Variants in ZNF804B observed in about 807,000 individuals in gnomAD.
ZNF804B encodes the protein zinc finger 804B.
A neutral mutation model predicts 101.4 loss-of-function variants in ZNF804B; 80 were observed. The ratio of observed to expected loss-of-function variants is 0.79; its 90% CI spans 0.66 to 0.95. ZNF804B has a LOEUF of 0.95. Among genes scored for constraint, ZNF804B ranks in the 40% least tolerant of loss-of-function variants. ZNF804B has a pLI of 0.00. For synonymous variants in ZNF804B, 622 were observed against 558.8 expected (o/e 1.11, Z -1.59); for missense variants, 1,673 against 1,561.9 (o/e 1.07, Z -1.20).
At chr7:89,319,283 A>C (rs1790778166) in intron 2 of ZNF804B, among the ~76,000 whole-genome samples, 1 of 152,162 alleles carries the variant, frequency 6.6e-6, no homozygotes. Context: ...TAATTAATTA[A>C]TTTTAAAAAA....
intron 2 of ZNF804B, among the ~76,000 whole-genome samples, chr7:89,240,856 T>C (rs77722870): frequency 1.3e-5 from 2 of 152,228 alleles, no homozygotes; most frequent in East Asian, 3.9e-4. Flanking sequence ...CCTTCATTAT[T>C]CCAAAGTATG....
At chr7:88,858,436 G>A (rs1327924300) in intron 1 of ZNF804B, among the ~76,000 whole-genome samples, 1 of 152,106 alleles carries the variant, frequency 6.6e-6, no homozygotes, top group African/African-American at 2.4e-5. Context: ...ATGATTCTTT[G>A]TTTAAAATTA....
intron 1 of ZNF804B, among the ~76,000 whole-genome samples, chr7:88,873,946 A>C (rs960849890): frequency 2.6e-5 from 4 of 152,070 alleles, no homozygotes; most frequent in Admixed American, 2.6e-4. Flanking sequence ...TTGACTTGGC[A>C]ATGCGGGCTC....
intron 1 of ZNF804B, among the ~76,000 whole-genome samples, chr7:88,855,786 G>A (rs1791546763): frequency 1.3e-5 from 2 of 152,080 alleles, no homozygotes; most frequent in Admixed American, 6.5e-5. Context: ...TTTGTATAAG[G>A]TGCAAGGAAG....
chr7:89,258,562 A>G (rs1318647567), intron 2 of ZNF804B, among the ~76,000 whole-genome samples: 1 of 152,172 alleles, frequency 6.6e-6, no homozygotes, highest in Admixed American at 6.6e-5. Context: ...TGGTAGCAAT[A>G]GATATACAAT....
chr7:89,078,689 TA>T (rs1264265140), intron 1 of ZNF804B, among the ~76,000 whole-genome samples: 9 of 151,676 alleles, frequency 5.9e-5, no homozygotes, highest in African/African-American at 2.2e-4. Flanking sequence ...ATTTTCTAAC[TA>T]AGATTTTTCT....
intron 1 of ZNF804B, among the ~76,000 whole-genome samples, chr7:88,864,956 C>T: frequency 6.6e-6 from 1 of 152,176 alleles, no homozygotes; most frequent in East Asian, 1.9e-4. Context: ...TGGCCGGACA[C>T]AGTGGCTCAT....
intron 1 of ZNF804B, among the ~76,000 whole-genome samples, chr7:88,954,539 AC>A (rs1793273350): frequency 7.7e-6 from 1 of 129,036 alleles, no homozygotes; most frequent in African/African-American, 2.8e-5. Flanking sequence ...TATAAGAGAA[AC>A]TCTTTCTAAA....
chr7:88,760,129 C>G (rs1789871919), intron 1 of ZNF804B, 45 bp downstream of exon 1: 2 of 1,486,468 alleles, frequency 1.3e-6, no homozygotes, highest in South Asian at 2.3e-5. Flanking sequence ...CGTTCCAACT[C>G]AACACAAACA....
chr7:89,288,996 T>A (rs1463230784), intron 2 of ZNF804B, among the ~76,000 whole-genome samples: 2 of 152,194 alleles, frequency 1.3e-5, no homozygotes, highest in Non-Finnish European at 2.9e-5. Context: ...TTAGAAGTGA[T>A]AAAAATGCTA....
At chr7:88,966,763 C>CAT (rs943986334) in intron 1 of ZNF804B, among the ~76,000 whole-genome samples, 1 of 150,846 alleles carries the variant, frequency 6.6e-6, no homozygotes, top group African/African-American at 2.4e-5. Context: ...CACATACATA[C>CAT]ACACACACAC....
intron 1 of ZNF804B, among the ~76,000 whole-genome samples, chr7:89,151,366 C>T (rs722004): frequency 0.36 from 55,152 of 151,686 alleles, 10,056 homozygotes; most frequent in Middle Eastern, 0.49. Context: ...TCTGATCTAG[C>T]ATTAACGTCA....
At chr7:88,851,829 T>G in intron 1 of ZNF804B, among the ~76,000 whole-genome samples, 1 of 152,108 alleles carries the variant, frequency 6.6e-6, no homozygotes, top group East Asian at 1.9e-4. Flanking sequence ...AATTGAAATG[T>G]GTGAAAACAG....
intron 1 of ZNF804B, among the ~76,000 whole-genome samples, chr7:89,154,995 A>G (rs904033038): frequency 5.3e-5 from 8 of 152,118 alleles, no homozygotes. Flanking sequence ...CTATATGAAA[A>G]ATGTGATATG....
intron 1 of ZNF804B, among the ~76,000 whole-genome samples, chr7:88,999,755 A>C (rs1788257873): frequency 6.6e-6 from 1 of 152,056 alleles, no homozygotes; most frequent in Admixed American, 6.6e-5. Flanking sequence ...ATTCCAAAAA[A>C]TACAAAGGGA....
At chr7:88,813,396 G>T (rs896970558) in intron 1 of ZNF804B, among the ~76,000 whole-genome samples, 1 of 148,702 alleles carries the variant, frequency 6.7e-6, no homozygotes, top group South Asian at 2.1e-4. Flanking sequence ...CAGCACTCCA[G>T]CCTGGGCCAA....
intron 1 of ZNF804B, among the ~76,000 whole-genome samples, chr7:88,828,594 C>T (rs902285862): frequency 6.6e-6 from 1 of 152,046 alleles, no homozygotes; most frequent in Non-Finnish European, 1.5e-5. Flanking sequence ...ATAAAGCACT[C>T]AAGAAATGTT....
At chr7:89,046,029 G>A (rs1246567702) in intron 1 of ZNF804B, among the ~76,000 whole-genome samples, 1 of 152,038 alleles carries the variant, frequency 6.6e-6, no homozygotes, top group African/African-American at 2.4e-5. Context: ...GACCCCATGG[G>A]AGGTAATTGA....
intron 2 of ZNF804B, among the ~76,000 whole-genome samples, chr7:89,269,250 TC>T (rs1215657706): frequency 1.3e-5 from 2 of 152,114 alleles, no homozygotes; most frequent in Non-Finnish European, 2.9e-5. Context: ...TGTGTGATGT[TC>T]CCCTTCCTGT....
Sources: allele counts gnomAD v4.1 joint callset (sites outside exome capture counted in the v4.1 genomes callset), GRCh38; gene constraint gnomAD v4.1.1; transcripts MANE v1.5; gene names NCBI Gene and HGNC (gene_info 2026-07-23, HGNC 2026-07-21).